Variants in B3GALT1 observed in about 807,000 individuals in gnomAD.
The protein encoded by B3GALT1 is UDP-Gal:betaGlcNAc beta 1,3-galactosyltransferase, polypeptide 1.
In B3GALT1, 10 loss-of-function variants were observed where a neutral mutation model predicts 23.2. The observed-to-expected ratio is 0.43, with a 90% CI of 0.27 to 0.73. The LOEUF is 0.73. Ranked by LOEUF, B3GALT1 falls within the 30% of genes least tolerant of loss-of-function variation. B3GALT1 has a pLI of 0.21. For synonymous variants in B3GALT1, 156 were observed against 141.5 expected (o/e 1.10, Z -0.73); for missense variants, 299 against 405.4 (o/e 0.74, Z 2.25).
chr2:167,753,256 A>G (rs537877455), intron 3 of B3GALT1, among the ~76,000 whole-genome samples: 1 of 152,224 alleles, frequency 6.6e-6, no homozygotes, highest in Non-Finnish European at 1.5e-5. Flanking sequence ...ACTTGTCCAG[A>G]TTAGAGCAAT....
At chr2:167,307,608 C>T (rs753884022) in intron 1 of B3GALT1, among the ~76,000 whole-genome samples, 2 of 152,012 alleles carry the variant, frequency 1.3e-5, no homozygotes, top group Non-Finnish European at 2.9e-5. Context: ...GCGTCTGCCC[C>T]AGCCCCTGTT....
At chr2:167,552,345 A>T (rs1683763675) in intron 2 of B3GALT1, among the ~76,000 whole-genome samples, 1 of 152,194 alleles carries the variant, frequency 6.6e-6, no homozygotes, top group African/African-American at 2.4e-5. Flanking sequence ...TTTCATATAA[A>T]AATTTAGGAG....
At chr2:167,724,724 A>ATTC (rs1687283009) in intron 3 of B3GALT1, among the ~76,000 whole-genome samples, 1 of 152,248 alleles carries the variant, frequency 6.6e-6, no homozygotes, top group Non-Finnish European at 1.5e-5. Flanking sequence ...CGAGAAGATG[A>ATTC]CAGTGGCTGG....
chr2:167,582,287 G>A (rs948711694), intron 2 of B3GALT1, among the ~76,000 whole-genome samples: 8 of 152,176 alleles, frequency 5.3e-5, no homozygotes, highest in Non-Finnish European at 7.3e-5. Context: ...TTTTGAAAAC[G>A]GAGTGTTGTT....
At chr2:167,356,304 A>G (rs533274322) in intron 1 of B3GALT1, among the ~76,000 whole-genome samples, 18 of 152,348 alleles carry the variant, frequency 1.2e-4, no homozygotes, top group East Asian at 7.7e-4. Flanking sequence ...CTAAATACAT[A>G]TATATGCCCT....
chr2:167,559,281 A>T (rs1419921991), intron 2 of B3GALT1, among the ~76,000 whole-genome samples: 1 of 152,202 alleles, frequency 6.6e-6, no homozygotes, highest in Admixed American at 6.5e-5. Context: ...AACAAACAGG[A>T]CATCCACACC....
At chr2:167,429,095 C>T (rs546343561) in intron 1 of B3GALT1, among the ~76,000 whole-genome samples, 10 of 151,610 alleles carry the variant, frequency 6.6e-5, no homozygotes, top group Admixed American at 2.0e-4. Context: ...CTGGCTAACA[C>T]GGTGAAACCC....
intron 1 of B3GALT1, among the ~76,000 whole-genome samples, chr2:167,385,335 A>T (rs1222003625): frequency 1.5e-4 from 23 of 152,174 alleles, no homozygotes. Flanking sequence ...ACACAGAATT[A>T]ATCACTCCCT....
chr2:167,469,987 A>T (rs1048129278), intron 1 of B3GALT1, among the ~76,000 whole-genome samples: 35 of 152,252 alleles, frequency 2.3e-4, no homozygotes, highest in East Asian at 1.9e-4. Flanking sequence ...TCAAGAATGG[A>T]ATCGTAATTT....
chr2:167,868,091 A>G (rs1690269134), intron 4 of B3GALT1, among the ~76,000 whole-genome samples: 1 of 152,264 alleles, frequency 6.6e-6, no homozygotes, highest in Admixed American at 6.5e-5. Flanking sequence ...CACCGTTTAG[A>G]TCAACTCCAA....
At chr2:167,734,448 C>T (rs973799238) in intron 3 of B3GALT1, among the ~76,000 whole-genome samples, 4 of 152,106 alleles carry the variant, frequency 2.6e-5, no homozygotes, top group Non-Finnish European at 5.9e-5. Context: ...TTTCTGTGGA[C>T]GTGGTCTGAG....
intron 2 of B3GALT1, among the ~76,000 whole-genome samples, chr2:167,513,699 A>G (rs961870399): frequency 2.0e-5 from 3 of 152,136 alleles, no homozygotes; most frequent in Admixed American, 1.3e-4. Context: ...TATGTGTAAG[A>G]TATGGGTTTA....
intron 1 of B3GALT1, among the ~76,000 whole-genome samples, chr2:167,383,726 G>A (rs1056997473): frequency 6.6e-6 from 1 of 152,122 alleles, no homozygotes; most frequent in Non-Finnish European, 1.5e-5. Flanking sequence ...AGTCTGGCTG[G>A]TATAACTGTT....
At chr2:167,451,545 A>G (rs887667180) in intron 1 of B3GALT1, among the ~76,000 whole-genome samples, 14 of 152,058 alleles carry the variant, frequency 9.2e-5, no homozygotes, top group African/African-American at 3.1e-4. Flanking sequence ...TGTGCTGTGA[A>G]CCATCTGCAG....
chr2:167,817,251 A>G (rs756847211), intron 3 of B3GALT1, among the ~76,000 whole-genome samples: 8 of 152,212 alleles, frequency 5.3e-5, no homozygotes, highest in Admixed American at 2.0e-4. Context: ...AATGAAGGTA[A>G]TAATACAAAA....
At chr2:167,653,944 G>C (rs540351603) in intron 3 of B3GALT1, among the ~76,000 whole-genome samples, 208 of 152,234 alleles carry the variant, frequency 1.4e-3, no homozygotes, top group Non-Finnish European at 2.4e-3. Flanking sequence ...CCTATTCACA[G>C]TAGATCTGTG....
chr2:167,466,300 T>G (rs764270217), intron 1 of B3GALT1, among the ~76,000 whole-genome samples: 3 of 152,164 alleles, frequency 2.0e-5, no homozygotes, highest in Non-Finnish European at 4.4e-5. Context: ...GAAATTTTCA[T>G]GTTATTTACG....
At chr2:167,481,229 TAACTA>T (rs1206113493) in intron 1 of B3GALT1, among the ~76,000 whole-genome samples, 2 of 151,362 alleles carry the variant, frequency 1.3e-5, no homozygotes, top group African/African-American at 4.9e-5. Context: ...AAAAAAAACA[TAACTA>T]AAATAAATTG....
intron 1 of B3GALT1, among the ~76,000 whole-genome samples, chr2:167,320,459 G>A (rs138417175): frequency 1.3e-5 from 2 of 151,998 alleles, no homozygotes; most frequent in African/African-American, 4.8e-5. Context: ...CAGAGTGCTG[G>A]GATTACAGGT....
Sources: allele counts gnomAD v4.1 joint callset (sites outside exome capture counted in the v4.1 genomes callset), GRCh38; gene constraint gnomAD v4.1.1; transcripts MANE v1.5; gene names NCBI Gene and HGNC (gene_info 2026-07-23, HGNC 2026-07-21).